Variants in FRK observed in about 807,000 individuals in gnomAD.
FRK encodes the protein fyn related Src family tyrosine kinase, also known as tyrosine-protein kinase FRK.
FRK carries 51 observed loss-of-function variants against 56.4 expected under a neutral mutation model. The ratio of observed to expected loss-of-function variants is 0.90; its 90% confidence interval spans 0.72 to 1.14. The LOEUF (loss-of-function observed/expected upper bound fraction) is 1.14. Among genes scored for constraint, FRK ranks in the 50% most tolerant of loss-of-function variants. The pLI is 0.00. For synonymous variants in FRK, 245 were observed against 217.9 expected (o/e 1.12, Z -1.10); for missense variants, 570 against 601.4 (o/e 0.95, Z 0.55).
rs753599705 is a variant in FRK at position 116,003,982 on chromosome 6, T to A, written c.361A>T (p.Ile121Phe). The part of the protein sequence containing the change: ...LQAEPWFFGA[I>F]GRSDAEKQLL... ...TGTTTCTCTGCATCTGATCTTCCGA[T>A]TGCTCCAAAGAACCACCTAAAAAGA... The change falls in exon 2 of 8, where the codon ATC (isoleucine) becomes TTC (phenylalanine). Residue 121 changes from isoleucine (I) to phenylalanine (F), a missense_variant. Ile to Phe is a conservative substitution (Grantham distance 21). Coordinates refer to ENST00000606080, the MANE Select transcript of FRK (RefSeq NM_002031.3). 1 of 1,612,544 alleles carries A rather than the reference T, an allele frequency of 6.2e-7. No homozygotes were observed. Among genetic ancestry groups the A allele is most frequent in the South Asian group, 1.1e-5 (1 of 91,000 alleles).
intron 2 of FRK, among the ~76,000 whole-genome samples, chr6:115,992,628 A>G (rs971685231): frequency 7.2e-5 from 11 of 151,886 alleles, no homozygotes; most frequent in Non-Finnish European, 1.5e-4. Flanking sequence ...ACACTTCAAC[A>G]TGCAAAACAC....
the FRK span, among the ~76,000 whole-genome samples, chr6:116,083,328 A>G: frequency 1.4e-4 from 22 of 152,196 alleles, no homozygotes; most frequent in Non-Finnish European, 2.1e-4. Flanking sequence ...ATCAGTTTTC[A>G]TCAAAGGGGA....
rs1771982251 is a variant in FRK at position 115,932,936 on chromosome 6, TTGTC to T, written c.*9474_*9477del. ...TGATGTTACCCCACAGGCTAGTTCT[TTGTC>T]TGTCTTTTAAGTCAACCCATTCCCA... On this transcript the variant is annotated 3_prime_UTR_variant, in exon 8 of 8. Coordinates refer to ENST00000606080, the MANE Select transcript of FRK (RefSeq NM_002031.3). 1 of 152,202 alleles carries T rather than the reference TTGTC, an allele frequency of 6.6e-6. No individual in the cohort carries two copies. Among genetic ancestry groups the T allele is most frequent in the African/African-American group, 2.4e-5 (1 of 41,460 alleles). The allele number at this position is 152,202 out of a possible 1,614,324, so 9.4% of individuals were successfully genotyped here.
upstream of FRK, among the ~76,000 whole-genome samples, chr6:116,061,399 A>AC (rs1777618712): frequency 6.1e-5 from 9 of 146,680 alleles, no homozygotes; most frequent in East Asian, 8.0e-4. Flanking sequence ...CTATTTGGGA[A>AC]ACACACACAC....
chr6:115,942,610 T>G lies in FRK; in HGVS notation c.1322A>C (p.Gln441Pro), dbSNP rs1772232788. 2 of 1,613,408 alleles carry G rather than the reference T, an allele frequency of 1.2e-6. No individual in the cohort carries two copies. Among genetic ancestry groups the G allele is most frequent in the East Asian group, 4.5e-5 (2 of 44,864 alleles). ...KMPYSGMTGA[Q>P]VIQMLAQNYR... ...GTTTTGAGCCAACATCTGGATTACC[T>G]GGGCACCTGTCATACCTTGAAAATA... Residue 441 changes from glutamine to proline, a missense_variant, in exon 8 of 8, where the codon CAG (glutamine) becomes CCG (proline). Coordinates refer to ENST00000606080, the MANE Select transcript of FRK (RefSeq NM_002031.3).
At chr6:115,948,325 T>G (rs1336033453) in intron 5 of FRK, among the ~76,000 whole-genome samples, 1 of 152,158 alleles carries the variant, frequency 6.6e-6, no homozygotes, top group Non-Finnish European at 1.5e-5. Flanking sequence ...TCTACCTCCA[T>G]CAGAGCCTTC....
In FRK at chr6:116,000,248, TTTTTTTTTTTTTGA is replaced by T. The variant is rs1162321096; in HGVS notation, c.466+3615_466+3628del. ...CTTTTTTTTTTTTTTTTTTTTTTTTTTTTTTTTTTTTTGAGACGGAGTCTCGCTCTGTCACCCAG... is the reference window on the plus strand; with the variant it reads ...CTTTTTTTTTTTTTTTTTTTTTTTTTGACGGAGTCTCGCTCTGTCACCCAG... On this transcript the variant is annotated intron_variant, in intron 2 of 7. Coordinates refer to ENST00000606080, the MANE Select transcript of FRK (RefSeq NM_002031.3). 5.8e-3 allele frequency among the ~76,000 whole-genome samples: 261 copies of T among 45,216 alleles called. 7 individuals carry two copies. The highest frequency in any genetic ancestry group is 0.017 in the African/African-American group (218 of 12,894). The allele number at this position is 45,216 out of a possible 152,430, so 29.7% of individuals were successfully genotyped here.
At chr6:115,955,284 G>A (rs186153873) in intron 5 of FRK, among the ~76,000 whole-genome samples, 105 of 152,052 alleles carry the variant, frequency 6.9e-4, no homozygotes, top group African/African-American at 2.5e-3. Flanking sequence ...AATGTTTCCA[G>A]GAAAAGAAAG....
chr6:116,022,310 A>G (rs1775901144), intron 1 of FRK, among the ~76,000 whole-genome samples: 5 of 152,132 alleles, frequency 3.3e-5, no homozygotes, highest in Admixed American at 2.0e-4. Flanking sequence ...AATGTTTTCC[A>G]ATTTGTTTTA....
At chr6:116,075,540 T>C in the FRK span, among the ~76,000 whole-genome samples, 1 of 151,806 alleles carries the variant, frequency 6.6e-6, no homozygotes, top group Non-Finnish European at 1.5e-5. Flanking sequence ...TTTAAGATGA[T>C]TGTTTCAGTC....
chr6:116,025,378 A>G (rs1776050346), intron 1 of FRK, among the ~76,000 whole-genome samples: 2 of 152,228 alleles, frequency 1.3e-5, no homozygotes, highest in Admixed American at 1.3e-4. Context: ...AAAGTAAACA[A>G]AAATGTATTG....
chr6:115,989,211 T>A (rs1774501774), intron 2 of FRK, among the ~76,000 whole-genome samples: 1 of 151,930 alleles, frequency 6.6e-6, no homozygotes, highest in Non-Finnish European at 1.5e-5. Context: ...ATGGTGGTAA[T>A]AGACTAACAA....
intron 1 of FRK, among the ~76,000 whole-genome samples, chr6:116,007,613 A>G (rs1775290893): frequency 6.6e-6 from 1 of 152,208 alleles, no homozygotes; most frequent in South Asian, 2.1e-4. Context: ...AAATTTGAGC[A>G]TTTTAACAGT....
At chr6:116,034,438 A>G (rs1470432128) in intron 1 of FRK, among the ~76,000 whole-genome samples, 1 of 152,172 alleles carries the variant, frequency 6.6e-6, no homozygotes, top group African/African-American at 2.4e-5. Context: ...ACCAACAAGT[A>G]TTACGATATG....
the FRK span, among the ~76,000 whole-genome samples, chr6:116,068,570 G>A: frequency 6.6e-6 from 1 of 152,102 alleles, no homozygotes; most frequent in Non-Finnish European, 1.5e-5. Context: ...AGGTGTGTTG[G>A]CATGCCATGT....
the FRK span, among the ~76,000 whole-genome samples, chr6:116,079,962 G>T: frequency 2.6e-5 from 4 of 152,186 alleles, no homozygotes; most frequent in East Asian, 3.9e-4. Context: ...TAATTAAAAT[G>T]TAATCAATGA....
chr6:116,100,242 G>A, the FRK span, among the ~76,000 whole-genome samples: 1 of 152,146 alleles, frequency 6.6e-6, no homozygotes, highest in African/African-American at 2.4e-5. Context: ...TTGCAAAATG[G>A]TTCTTCACGA....
chr6:115,985,326 TAA>T (rs1369653709), intron 2 of FRK, among the ~76,000 whole-genome samples: 1 of 152,140 alleles, frequency 6.6e-6, no homozygotes, highest in African/African-American at 2.4e-5. Flanking sequence ...TTTCAGGGAC[TAA>T]GATATAAGAC....
chr6:115,981,322 T>G (rs892152945), intron 2 of FRK, among the ~76,000 whole-genome samples: 7 of 152,134 alleles, frequency 4.6e-5, no homozygotes, highest in Non-Finnish European at 1.0e-4. Context: ...GTTTAATTTT[T>G]TTTCTTTTAC....
Sources: allele counts gnomAD v4.1 joint callset (sites outside exome capture counted in the v4.1 genomes callset), GRCh38; gene constraint gnomAD v4.1.1; transcripts MANE v1.5; gene names NCBI Gene and HGNC (gene_info 2026-07-23, HGNC 2026-07-21).